Variants in ADK observed in about 807,000 individuals in gnomAD.
ADK encodes adenosine kinase, also known as N6,N6-dimethyladenosine kinase.
In ADK, 24 loss-of-function variants were observed where a neutral mutation model predicts 44.7. The observed-to-expected ratio is 0.54, with a 90% CI of 0.39 to 0.76. The LOEUF (loss-of-function observed/expected upper bound fraction) is 0.76. ADK is among the 30% of genes least tolerant of loss of function. ADK has a pLI of 0.00. For synonymous variants in ADK, 128 were observed against 142.6 expected (o/e 0.90, Z 0.73); for missense variants, 321 against 425.1 (o/e 0.76, Z 2.15).
At chr10:74,305,898 A>AT (rs1564644632) in intron 3 of ADK, among the ~76,000 whole-genome samples, 1 of 151,574 alleles carries the variant, frequency 6.6e-6, no homozygotes, top group Non-Finnish European at 1.5e-5. Flanking sequence ...GGCTATTTTT[A>AT]TTTTTTTGTA....
chr10:74,466,591 G>A (rs1431390192), intron 6 of ADK, among the ~76,000 whole-genome samples: 5 of 152,070 alleles, frequency 3.3e-5, no homozygotes, highest in African/African-American at 1.2e-4. Flanking sequence ...TGCAGCACTC[G>A]CAAGTCCCAT....
chr10:74,631,228 G>T (rs1853405054), intron 9 of ADK, among the ~76,000 whole-genome samples: 1 of 150,842 alleles, frequency 6.6e-6, no homozygotes, highest in Non-Finnish European at 1.5e-5. Context: ...TATTTAACCT[G>T]TGTGCGTGTG....
chr10:74,176,873 A>T, intron 1 of ADK: 1 of 1,609,728 alleles, frequency 6.2e-7, no homozygotes, highest in Non-Finnish European at 8.5e-7. Context: ...GGGCGAAGCC[A>T]TGACGTCAGT....
At chr10:74,324,296 C>T (rs1285618688) in intron 4 of ADK, among the ~76,000 whole-genome samples, 1 of 152,176 alleles carries the variant, frequency 6.6e-6, no homozygotes, top group Non-Finnish European at 1.5e-5. Flanking sequence ...TCCCAAAGTG[C>T]TGGGATTACA....
At chr10:74,685,057 C>A (rs1398370639) in intron 10 of ADK, among the ~76,000 whole-genome samples, 1 of 152,060 alleles carries the variant, frequency 6.6e-6, no homozygotes, top group Non-Finnish European at 1.5e-5. Flanking sequence ...TCATGAAAAG[C>A]ATTCATGTGA....
intron 3 of ADK, among the ~76,000 whole-genome samples, chr10:74,291,271 G>T (rs904171993): frequency 4.6e-5 from 7 of 152,070 alleles, no homozygotes. Context: ...CAAAAAATTA[G>T]CCGGGTGTGG....
chr10:74,387,199 T>G (rs1843174037), intron 4 of ADK, among the ~76,000 whole-genome samples: 1 of 152,214 alleles, frequency 6.6e-6, no homozygotes, highest in Non-Finnish European at 1.5e-5. Flanking sequence ...CCTTCCAAAG[T>G]GCTGGGATTA....
intron 1 of ADK, among the ~76,000 whole-genome samples, chr10:74,195,964 A>G (rs542696279): frequency 6.6e-6 from 1 of 151,828 alleles, no homozygotes; most frequent in African/African-American, 2.4e-5. Context: ...GGTGTGAGCC[A>G]CTGTGCCCAG....
At position 74,324,238 on chromosome 10, in the gene ADK, C is replaced by T. The variant is rs534037223; in HGVS notation, c.273+9493C>T. The stretch of plus-strand genomic sequence containing the variant: ...GGAAATGGAATCTTGCTTTGTTGCA[C>T]AGGCTGATGTTGAATTCCTGACCTC... On this transcript the variant is annotated intron_variant, in intron 4 of 10. Transcript: ENST00000539909. Among the ~76,000 whole-genome samples, 19 of 152,198 alleles carry T rather than the reference C, an allele frequency of 1.2e-4. No individual in the cohort carries two copies. In the South Asian group the frequency reaches 3.7e-3, roughly 30 times the overall value.
chr10:74,260,442 T>A (rs540707452), intron 3 of ADK, among the ~76,000 whole-genome samples: 6 of 152,306 alleles, frequency 3.9e-5, no homozygotes, highest in Admixed American at 1.3e-4. Flanking sequence ...GCTAATTTTT[T>A]AATTTTTTTG....
At chr10:74,192,288 C>T (rs555596155) in intron 1 of ADK, among the ~76,000 whole-genome samples, 3 of 151,868 alleles carry the variant, frequency 2.0e-5, no homozygotes, top group African/African-American at 4.8e-5. Flanking sequence ...AGTGCAGTGC[C>T]GCGATCTTGG....
intron 6 of ADK, among the ~76,000 whole-genome samples, chr10:74,518,137 C>T (rs1038224410): frequency 1.3e-5 from 2 of 152,116 alleles, no homozygotes; most frequent in African/African-American, 4.8e-5. Flanking sequence ...TTATTTTTGA[C>T]TTGTAATTTA....
At chr10:74,157,170 C>G (rs760741083) in intron 1 of ADK, among the ~76,000 whole-genome samples, 15 of 152,146 alleles carry the variant, frequency 9.9e-5, no homozygotes, top group Admixed American at 3.9e-4. Flanking sequence ...TCAGCTAGTA[C>G]AAGAGCACCA....
chr10:74,178,034 C>T (rs1196299648), intron 1 of ADK, among the ~76,000 whole-genome samples: 3 of 151,248 alleles, frequency 2.0e-5, no homozygotes, highest in Non-Finnish European at 2.9e-5. Context: ...CTCCGCCTCC[C>T]GGGTTCAAAC....
intron 9 of ADK, chr10:74,661,310 G>C: frequency 5.2e-6 from 5 of 969,398 alleles, no homozygotes; most frequent in Non-Finnish European, 6.1e-6. Context: ...AACATTACTT[G>C]AATGACAACT....
intron 4 of ADK, among the ~76,000 whole-genome samples, chr10:74,391,760 C>T (rs933601006): frequency 6.6e-6 from 1 of 151,116 alleles, no homozygotes; most frequent in South Asian, 2.1e-4. Context: ...TTTAAATGTA[C>T]CAATTAGTAT....
intron 6 of ADK, among the ~76,000 whole-genome samples, chr10:74,402,221 G>C (rs1432449750): frequency 6.6e-6 from 1 of 152,038 alleles, no homozygotes; most frequent in Non-Finnish European, 1.5e-5. Context: ...ATGTGTCTTG[G>C]TGTTGCTCTT....
chr10:74,701,847 G>A (rs1856427998), intron 10 of ADK, among the ~76,000 whole-genome samples: 2 of 152,160 alleles, frequency 1.3e-5, no homozygotes, highest in East Asian at 1.9e-4. Flanking sequence ...GGGAGACTGA[G>A]GCAGGAGAGT....
chr10:74,208,649 C>T (rs4746185), intron 2 of ADK, among the ~76,000 whole-genome samples: 2,804 of 152,052 alleles, frequency 0.018, 95 homozygotes, highest in African/African-American at 0.064. Flanking sequence ...ATGATATAAA[C>T]GAATCGTGTT....
Sources: gnomAD v4.1 joint callset for allele counts (sites outside exome capture counted in the v4.1 genomes callset) on GRCh38, gnomAD v4.1.1 for gene constraint, MANE v1.5 for transcripts, NCBI Gene and HGNC (gene_info 2026-07-23, HGNC 2026-07-21) for gene names.